Variants in PTPRM observed in about 807,000 individuals in gnomAD.
PTPRM encodes the protein protein tyrosine phosphatase receptor type M.
Under a neutral mutation model 186.7 loss-of-function variants are expected in PTPRM, and 47 were observed. The ratio of observed to expected loss-of-function variants is 0.25; its 90% CI spans 0.20 to 0.32. PTPRM has a LOEUF of 0.32. PTPRM is among the 10% of genes least tolerant of loss of function. PTPRM has a pLI of 1.00. For missense variants in PTPRM, 1,494 were observed against 1,865.0 expected, an observed-to-expected ratio of 0.80 and a Z score of 3.66; for synonymous variants, 668 against 674.9, an observed-to-expected ratio of 0.99 and a Z score of 0.16.
chr18:8,113,868 T>A, intron 12 of PTPRM, 109 bp downstream of exon 12: 2 of 1,136,594 alleles, frequency 1.8e-6, no homozygotes, highest in South Asian at 3.7e-5. Context: ...GCATTTCTAC[T>A]TGTAAACAAA....
In PTPRM at chr18:7,817,036, G is replaced by A. The variant is rs1050336525; in HGVS notation, c.196+42765G>A. ...GGCGCCCAGGCTGGAGGGCAGGGGC[G>A]TGATCTCGGCTCACTGCAACCTCTG... On this transcript the variant is annotated intron_variant, in intron 2 of 32. Coordinates refer to ENST00000580170, the MANE Select transcript of PTPRM (RefSeq NM_001105244.2). 3.2e-4 allele frequency among the ~76,000 whole-genome samples: 48 copies of A among 150,616 alleles called. 1 individual carries two copies. The highest frequency in any genetic ancestry group is 5.7e-4 in the Non-Finnish European group (39 of 67,874).
chr18:8,257,104 T>G (rs182803145), intron 19 of PTPRM, among the ~76,000 whole-genome samples: 4 of 152,250 alleles, frequency 2.6e-5, no homozygotes, highest in Non-Finnish European at 1.5e-5. Flanking sequence ...CTAAGAGAGA[T>G]GCGCAGGCAT....
chr18:8,061,488 C>G (rs1296338), intron 7 of PTPRM, among the ~76,000 whole-genome samples: 13,772 of 53,044 alleles, frequency 0.26, 1,809 homozygotes, highest in Non-Finnish European at 0.29. Flanking sequence ...GTGTGAATTT[C>G]ATCCTGTCAT....
chr18:7,586,281 G>T (rs573930562), intron 1 of PTPRM, among the ~76,000 whole-genome samples: 2 of 152,198 alleles, frequency 1.3e-5, no homozygotes, highest in Admixed American at 1.3e-4. Flanking sequence ...TCTGTTGGTT[G>T]GTTAGTCAGG....
chr18:8,269,637 A>T (rs2094745650), intron 19 of PTPRM, among the ~76,000 whole-genome samples: 1 of 152,076 alleles, frequency 6.6e-6, no homozygotes, highest in Non-Finnish European at 1.5e-5. Flanking sequence ...TTCAAACTTT[A>T]TTGCAAGCTA....
intron 14 of PTPRM, among the ~76,000 whole-genome samples, chr18:8,162,770 C>A (rs1396185436): frequency 1.3e-5 from 2 of 152,190 alleles, no homozygotes; most frequent in Non-Finnish European, 2.9e-5. Flanking sequence ...CTCTCCACCC[C>A]ATACACACAT....
At position 8,148,907 on chromosome 18, in the gene PTPRM, T is replaced by TA. The variant is rs2092943123; in HGVS notation, c.2300+5129dup. ...TTATTTCTGCCTTCATTTCATTATTTACCCAGTAGTCATTCAGGAGCAGGT... is the reference window on the plus strand; with the variant it reads ...TTATTTCTGCCTTCATTTCATTATTTAACCCAGTAGTCATTCAGGAGCAGGT... On this transcript the variant is annotated intron_variant, in intron 14 of 32. Coordinates refer to ENST00000580170, the MANE Select transcript of PTPRM (RefSeq NM_001105244.2). Among the ~76,000 whole-genome samples the TA allele has an allele frequency of 2.0e-5, 3 of 152,340 alleles. No individual in the cohort carries two copies. The East Asian group carries it at 5.8e-4, about 29-fold the overall frequency.
chr18:7,935,147 G>A (rs1040069513), intron 5 of PTPRM, among the ~76,000 whole-genome samples: 6 of 151,938 alleles, frequency 3.9e-5, no homozygotes, highest in African/African-American at 1.5e-4. Context: ...GCTTAACTTG[G>A]GTATTTTATG....
intron 1 of PTPRM, among the ~76,000 whole-genome samples, chr18:7,686,539 C>A (rs1213317209): frequency 1.2e-4 from 18 of 150,176 alleles, no homozygotes; most frequent in Admixed American, 2.6e-4. Context: ...AAGAAGGGTC[C>A]ATTTAGCATA....
At chr18:8,104,266 T>A (rs1032472764) in intron 11 of PTPRM, among the ~76,000 whole-genome samples, 2 of 152,218 alleles carry the variant, frequency 1.3e-5, no homozygotes, top group Non-Finnish European at 2.9e-5. Context: ...AAGTGCCTTA[T>A]TAAGCTGGGT....
intron 1 of PTPRM, among the ~76,000 whole-genome samples, chr18:7,640,250 G>A (rs558843343): frequency 6.6e-6 from 1 of 152,274 alleles, no homozygotes; most frequent in Admixed American, 6.5e-5. Flanking sequence ...ACTTGCTACA[G>A]AAAGAAACTT....
intron 13 of PTPRM, chr18:8,121,789 T>C (rs2092183812): frequency 1.3e-5 from 2 of 152,212 alleles, no homozygotes; most frequent in African/African-American, 2.4e-5. Flanking sequence ...AGAGAAAACA[T>C]TGTGATTTCA....
At chr18:8,392,428 T>C (rs957475700) in intron 31 of PTPRM, among the ~76,000 whole-genome samples, 5 of 152,012 alleles carry the variant, frequency 3.3e-5, no homozygotes, top group South Asian at 2.1e-4. Flanking sequence ...ATTGAGACTA[T>C]CCTGGCTAAC....
chr18:8,219,059 C>T (rs1484786041), intron 14 of PTPRM, among the ~76,000 whole-genome samples: 1 of 152,198 alleles, frequency 6.6e-6, no homozygotes, highest in African/African-American at 2.4e-5. Flanking sequence ...CCAGTGAAGG[C>T]ATTGTTTCTA....
At chr18:7,906,364 AACATTG>A in intron 3 of PTPRM, 135 bp from the exon 4 acceptor site, 1 of 678,572 alleles carries the variant, frequency 1.5e-6, no homozygotes, top group Non-Finnish European at 2.6e-6. Flanking sequence ...TAGAACCTGG[AACATTG>A]ACTAGCAGAT....
At chr18:7,972,250 G>T (rs1456948653) in intron 7 of PTPRM, among the ~76,000 whole-genome samples, 1 of 130,886 alleles carries the variant, frequency 7.6e-6, no homozygotes, top group Non-Finnish European at 1.5e-5. Flanking sequence ...GCATAGGTGG[G>T]AATTGAACAA....
At chr18:8,298,061 C>T (rs776202398) in intron 20 of PTPRM, among the ~76,000 whole-genome samples, 5 of 152,206 alleles carry the variant, frequency 3.3e-5, no homozygotes, top group Non-Finnish European at 5.9e-5. Context: ...CAAACCCAAC[C>T]GGGCAGTCAG....
At chr18:8,149,946 C>A (rs2092968405) in intron 14 of PTPRM, among the ~76,000 whole-genome samples, 1 of 152,176 alleles carries the variant, frequency 6.6e-6, no homozygotes. Flanking sequence ...GTTGAAAATT[C>A]TTTTCTTTAA....
chr18:8,179,588 G>A (rs1488161533), intron 14 of PTPRM, among the ~76,000 whole-genome samples: 1 of 151,376 alleles, frequency 6.6e-6, no homozygotes, highest in African/African-American at 2.4e-5. Context: ...TCCTGCCTCA[G>A]TCTCCCAGGT....
Sources: allele counts gnomAD v4.1 joint callset (sites outside exome capture counted in the v4.1 genomes callset), GRCh38; gene constraint gnomAD v4.1.1; transcripts MANE v1.5; gene names NCBI Gene and HGNC (gene_info 2026-07-23, HGNC 2026-07-21).